The following ELP4 variants were observed in gnomAD, a reference collection of about 807,000 sequenced individuals.
ELP4 encodes the protein elongator acetyltransferase complex subunit 4.
A neutral mutation model predicts 48.9 loss-of-function variants in ELP4; 51 were observed. That is an observed-to-expected ratio of 1.04 (90% CI 0.83 to 1.32). The LOEUF is 1.32. Among genes scored for constraint, ELP4 ranks in the 40% most tolerant of loss-of-function variants. ELP4 has a pLI of 0.00. For synonymous variants in ELP4, 210 were observed against 189.2 expected (o/e 1.11, Z -0.90); for missense variants, 519 against 514.6 (o/e 1.01, Z -0.08).
intron 9 of ELP4, among the ~76,000 whole-genome samples, chr11:31,676,391 C>T (rs1016319806): frequency 6.6e-6 from 1 of 152,174 alleles, no homozygotes; most frequent in Non-Finnish European, 1.5e-5. Flanking sequence ...CACTCACCAC[C>T]TTCTAATATG....
intron 9 of ELP4, among the ~76,000 whole-genome samples, chr11:31,779,187 A>G (rs7950812): frequency 0.035 from 5,366 of 152,380 alleles, 137 homozygotes; most frequent in Non-Finnish European, 0.05. Flanking sequence ...GCTAAGGGTC[A>G]AAGTATACTA....
intron 5 of ELP4, among the ~76,000 whole-genome samples, chr11:31,617,770 A>G (rs898531309): frequency 6.6e-6 from 1 of 151,468 alleles, no homozygotes; most frequent in Non-Finnish European, 1.5e-5. Context: ...ACAAAATGAG[A>G]TACCACTTCA....
intron 1 of ELP4, among the ~76,000 whole-genome samples, chr11:31,518,100 C>CT (rs1381469786): frequency 6.0e-5 from 9 of 149,546 alleles, no homozygotes; most frequent in African/African-American, 1.2e-4. Flanking sequence ...TTCTTTAATT[C>CT]TTTTTTTTCT....
chr11:31,649,865 C>T (rs975715184), intron 8 of ELP4: 2 of 323,910 alleles, frequency 6.2e-6, no homozygotes, highest in East Asian at 9.6e-5. Flanking sequence ...TAAGATCCCT[C>T]TTTACATCTG....
chr11:31,711,021 A>G (rs144077065), intron 9 of ELP4, among the ~76,000 whole-genome samples: 56 of 152,294 alleles, frequency 3.7e-4, no homozygotes, highest in African/African-American at 1.2e-3. Flanking sequence ...AGCAAGAGGA[A>G]TCTTGTATTA....
chr11:31,656,062 C>A lies in ELP4; in HGVS notation c.1143+5841C>A, dbSNP rs374754510. Among the ~76,000 whole-genome samples the A allele has an allele frequency of 2.0e-5, 3 of 151,974 alleles. No individual in the cohort carries two copies. The East Asian group carries it at 5.8e-4, about 29-fold the overall frequency. On this transcript the variant is annotated intron_variant, in intron 9 of 9. Coordinates refer to ENST00000640961, the MANE Select transcript of ELP4 (RefSeq NM_019040.5). ...GAAGAAAAAACATTTTTCCCTGAGT[C>A]ATTTATGTTCACTGACAGTTTTTCT...
In ELP4 at chr11:31,511,110, C is replaced by G. The variant is rs371428442; in HGVS notation, c.223+1103C>G. The G allele has an allele frequency of 2.0e-4, 30 of 152,296 alleles. 1 individual carries two copies. In the East Asian group the frequency reaches 4.6e-3, roughly 24 times the overall value. 9.4% of individuals were successfully genotyped at this position (152,296 alleles called of 1,614,324 possible). On this transcript the variant is annotated intron_variant, in intron 1 of 9. Coordinates refer to ENST00000640961, the MANE Select transcript of ELP4 (RefSeq NM_019040.5). ...AAAGAGTATGGCTTCTTGATTCTCT[C>G]ATTTCATTTTCCGGTTATTTCTAGA...
intron 4 of ELP4, among the ~76,000 whole-genome samples, chr11:31,598,740 C>A (rs1354417467): frequency 1.3e-5 from 2 of 152,028 alleles, no homozygotes; most frequent in East Asian, 3.9e-4. Context: ...CTCCTGGCTT[C>A]AAGCAAGCAA....
intron 9 of ELP4, among the ~76,000 whole-genome samples, chr11:31,770,922 A>G (rs1303322152): frequency 6.6e-6 from 1 of 152,110 alleles, no homozygotes; most frequent in East Asian, 1.9e-4. Context: ...TCCAGGAATA[A>G]TCTAGTTTGT....
intron 3 of ELP4, among the ~76,000 whole-genome samples, chr11:31,591,409 A>T: frequency 3.9e-5 from 1 of 25,428 alleles, no homozygotes; most frequent in East Asian, 1.2e-3. Flanking sequence ...CCATCTCAAA[A>T]AAAAAAAAAA....
At chr11:31,586,251 A>G (rs1957471592) in intron 3 of ELP4, among the ~76,000 whole-genome samples, 1 of 152,220 alleles carries the variant, frequency 6.6e-6, no homozygotes, top group Admixed American at 6.5e-5. Flanking sequence ...CCTAACATTT[A>G]TATCAACAAA....
At chr11:31,700,284 G>A (rs1344339640) in intron 9 of ELP4, among the ~76,000 whole-genome samples, 1 of 151,958 alleles carries the variant, frequency 6.6e-6, no homozygotes, top group Non-Finnish European at 1.5e-5. Context: ...CTGGGTGATA[G>A]GGATATGGGA....
At chr11:31,549,852 T>G (rs893149521) in intron 3 of ELP4, among the ~76,000 whole-genome samples, 15 of 152,050 alleles carry the variant, frequency 9.9e-5, no homozygotes, top group African/African-American at 3.6e-4. Flanking sequence ...ATGGATGAAA[T>G]TGGAAATCAT....
intron 3 of ELP4, among the ~76,000 whole-genome samples, chr11:31,583,032 T>G (rs1957415284): frequency 6.6e-6 from 1 of 152,170 alleles, no homozygotes; most frequent in Non-Finnish European, 1.5e-5. Flanking sequence ...TTTGTCTTGT[T>G]TGAACTTTCC....
intron 3 of ELP4, among the ~76,000 whole-genome samples, chr11:31,553,725 AACACACACACACACACACAC>A (rs56921821): frequency 3.6e-5 from 5 of 140,502 alleles, no homozygotes; most frequent in South Asian, 2.3e-4. Context: ...TGCACACACA[AACACACACACACACACACAC>A]ACACACACAC....
chr11:31,555,089 T>C (rs1956908895), intron 3 of ELP4, among the ~76,000 whole-genome samples: 1 of 152,160 alleles, frequency 6.6e-6, no homozygotes, highest in African/African-American at 2.4e-5. Context: ...AAGTTAACAT[T>C]TCCCTAAATT....
At chr11:31,772,735 G>C (rs1401428250) in intron 9 of ELP4, among the ~76,000 whole-genome samples, 4 of 152,120 alleles carry the variant, frequency 2.6e-5, no homozygotes, top group Non-Finnish European at 5.9e-5. Flanking sequence ...TGAAAATGAA[G>C]TTTTTATTCA....
chr11:31,714,415 A>G (rs1350479531), intron 9 of ELP4, among the ~76,000 whole-genome samples: 1 of 152,204 alleles, frequency 6.6e-6, no homozygotes, highest in African/African-American at 2.4e-5. Flanking sequence ...AGTGATGTTT[A>G]CTATATTTCA....
At chr11:31,612,635 G>A (rs570046733) in intron 5 of ELP4, among the ~76,000 whole-genome samples, 1 of 152,180 alleles carries the variant, frequency 6.6e-6, no homozygotes, top group Non-Finnish European at 1.5e-5. Flanking sequence ...AGAAAGAGAA[G>A]GGGCAGTACA....
Sources: allele counts gnomAD v4.1 joint callset (sites outside exome capture counted in the v4.1 genomes callset), GRCh38; gene constraint gnomAD v4.1.1; transcripts MANE v1.5; gene names NCBI Gene and HGNC (gene_info 2026-07-23, HGNC 2026-07-21).